The following PCDHGA4 variants were observed in gnomAD, a reference collection of about 807,000 sequenced individuals.
The protein encoded by PCDHGA4 is protocadherin gamma-A4.
PCDHGA4 carries 38 observed loss-of-function variants against 54.6 expected under a neutral mutation model. The ratio of observed to expected loss-of-function variants is 0.70; its 90% CI spans 0.54 to 0.91. The LOEUF (loss-of-function observed/expected upper bound fraction) is 0.91, where lower values mean the gene tolerates loss of function less well. PCDHGA4 is among the 40% of genes least tolerant of loss of function. The pLI is 0.00. For synonymous variants in PCDHGA4, 511 were observed against 512.9 expected, an observed-to-expected ratio of 1.00 and a Z score of 0.05; for missense variants, 1,298 against 1,220.9, an observed-to-expected ratio of 1.06 and a Z score of -0.94.
At chr5:141,390,321 C>T (rs776100029) in intron 1 of PCDHGA4, 13 of 1,606,964 alleles carry the variant, frequency 8.1e-6, no homozygotes, top group Admixed American at 1.7e-5. Context: ...TCATTGCCTA[C>T]CCATTTCTCC....
Position 141,438,625 on chromosome 5 carries a change from TATATATATATACAC to T in PCDHGA4, c.2515-56180_2515-56167del, listed in dbSNP as rs1291649000. Among the ~76,000 whole-genome samples, 88 of 46,398 alleles carry T rather than the reference TATATATATATACAC, an allele frequency of 1.9e-3. 1 individual carries two copies. The highest frequency in any genetic ancestry group is 8.6e-3 in the African/African-American group (72 of 8,380). 30.4% of individuals were successfully genotyped at this position (46,398 alleles called of 152,430 possible). A position where few individuals can be genotyped will look rare whatever the true frequency, so the allele number is the denominator to read the frequency against. ...ATATATATATATATATATATATATATATATATATATACACACACACACACACATATATGTATATA... is the reference window on the plus strand; with the variant it reads ...ATATATATATATATATATATATATATACACACACACACATATATGTATATA... On this transcript the variant is annotated intron_variant, in intron 1 of 3. Transcript: ENST00000571252.
intron 1 of PCDHGA4, chr5:141,399,416 C>T: frequency 6.2e-7 from 1 of 1,614,046 alleles, no homozygotes; most frequent in African/African-American, 1.3e-5. Context: ...CCCCTCTCCT[C>T]CAGCATAAGC....
At chr5:141,417,637 A>ATCCCTCAGCCTCTAGCCTGGGAT (rs2096141530) in intron 1 of PCDHGA4, 1 of 724,654 alleles carries the variant, frequency 1.4e-6, no homozygotes, top group Admixed American at 3.5e-5. Flanking sequence ...GACGCCGGGG[A>ATCCCTCAGCCTCTAGCCTGGGAT]TCCCTCAGCC....
At chr5:141,474,016 G>A (rs1286684019) in intron 1 of PCDHGA4, among the ~76,000 whole-genome samples, 1 of 152,128 alleles carries the variant, frequency 6.6e-6, no homozygotes, top group Non-Finnish European at 1.5e-5. Context: ...GTTACAGTGA[G>A]CTATGATTAT....
chr5:141,394,644 G>A, intron 1 of PCDHGA4: 2 of 1,613,358 alleles, frequency 1.2e-6, no homozygotes, highest in Non-Finnish European at 1.7e-6. Flanking sequence ...CCTGCTCAAG[G>A]CCAGCGAGCC....
chr5:141,475,300 T>C (rs1383092136), intron 1 of PCDHGA4, among the ~76,000 whole-genome samples: 3 of 152,332 alleles, frequency 2.0e-5, no homozygotes, highest in South Asian at 2.1e-4. Context: ...AATTTCTTAT[T>C]GCTCCCTGGT....
intron 1 of PCDHGA4, chr5:141,399,373 G>A: frequency 6.2e-7 from 1 of 1,613,982 alleles, no homozygotes; most frequent in Non-Finnish European, 8.5e-7. Flanking sequence ...GGAGTACAAT[G>A]TCACCATCAC....
At chr5:141,440,382 C>T (rs898655247) in intron 1 of PCDHGA4, 2 of 152,178 alleles carry the variant, frequency 1.3e-5, no homozygotes, top group Non-Finnish European at 2.9e-5. Context: ...AGGAGAATCG[C>T]TTGAACCCGA....
chr5:141,370,168 C>G (rs890245618), intron 1 of PCDHGA4: 7 of 458,078 alleles, frequency 1.5e-5, no homozygotes, highest in Non-Finnish European at 2.7e-5. Context: ...GCAGCAGAGG[C>G]GCCGGGTGCC....
intron 1 of PCDHGA4, chr5:141,365,174 C>A: frequency 6.2e-7 from 1 of 1,613,878 alleles, no homozygotes; most frequent in Non-Finnish European, 8.5e-7. Flanking sequence ...CTACTCTTTT[C>A]GCAATGAAGA....
At position 141,384,373 on chromosome 5, in the gene PCDHGA4, G is replaced by A. The variant is rs916805364; in HGVS notation, c.2514+26752G>A. 27 of 1,613,764 alleles carry A rather than the reference G, an allele frequency of 1.7e-5. No homozygotes were observed. The highest frequency in any genetic ancestry group is 2.1e-5 in the Non-Finnish European group (25 of 1,179,894). ...TAATGCCCAGATCACTTATTCCTTGGCCGAAGACACCATCCAGGGGGCTCC... is the reference window on the plus strand; with the variant it reads ...TAATGCCCAGATCACTTATTCCTTGACCGAAGACACCATCCAGGGGGCTCC... On this transcript the variant is annotated intron_variant, in intron 1 of 3. Coordinates refer to ENST00000571252, the MANE Select transcript of PCDHGA4 (RefSeq NM_018917.4).
intron 1 of PCDHGA4, chr5:141,389,880 T>C: frequency 6.2e-7 from 1 of 1,614,080 alleles, no homozygotes; most frequent in Non-Finnish European, 8.5e-7. Flanking sequence ...CGCCGACAGC[T>C]TGCAGGAGGT....
intron 2 of PCDHGA4, among the ~76,000 whole-genome samples, chr5:141,501,015 C>T (rs950216755): frequency 6.6e-5 from 10 of 151,866 alleles, no homozygotes; most frequent in African/African-American, 2.4e-4. Context: ...ACTACAGGCA[C>T]GCGCCACCAC....
intron 1 of PCDHGA4, chr5:141,399,103 C>T (rs376000100): frequency 1.5e-5 from 25 of 1,613,604 alleles, no homozygotes; most frequent in East Asian, 6.7e-5. Context: ...ACTGGTTGCA[C>T]AATGTACAGT....
intron 2 of PCDHGA4, among the ~76,000 whole-genome samples, chr5:141,497,478 C>T (rs974494984): frequency 6.0e-5 from 9 of 150,954 alleles, no homozygotes; most frequent in South Asian, 4.2e-4. Context: ...GGAGAAGGTG[C>T]GGAACCTCTC....
intron 1 of PCDHGA4, chr5:141,394,644 G>C (rs765703225): frequency 1.2e-6 from 2 of 1,613,358 alleles, no homozygotes; most frequent in Admixed American, 3.3e-5. Context: ...CCTGCTCAAG[G>C]CCAGCGAGCC....
At chr5:141,362,600 C>T (rs1561527590) in intron 1 of PCDHGA4, 3 of 1,577,722 alleles carry the variant, frequency 1.9e-6, no homozygotes, top group Non-Finnish European at 1.7e-6. Flanking sequence ...TTTATTGTTT[C>T]ACCTAATTTG....
At chr5:141,413,374 G>A (rs528233301) in intron 1 of PCDHGA4, 1 of 1,613,946 alleles carries the variant, frequency 6.2e-7, no homozygotes, top group East Asian at 2.2e-5. Context: ...GGCGGAGCGC[G>A]GAGTCCGCAT....
intron 1 of PCDHGA4, among the ~76,000 whole-genome samples, chr5:141,407,447 G>A (rs1347838571): frequency 3.9e-5 from 6 of 152,260 alleles, no homozygotes; most frequent in African/African-American, 2.4e-5. Context: ...ACCAGAACAC[G>A]AGGCTCACCA....
Sources: gnomAD v4.1 joint callset for allele counts (sites outside exome capture counted in the v4.1 genomes callset) on GRCh38, gnomAD v4.1.1 for gene constraint, MANE v1.5 for transcripts, NCBI Gene and HGNC (gene_info 2026-07-23, HGNC 2026-07-21) for gene names.